Variants in CEP152 observed in about 807,000 individuals in gnomAD.
The protein encoded by CEP152 is centrosomal protein 152.
Under a neutral mutation model 188.9 loss-of-function variants are expected in CEP152, and 132 were observed. The observed-to-expected ratio is 0.70, with a 90% CI of 0.61 to 0.81. The LOEUF is 0.81. Ranked by LOEUF, CEP152 falls within the 30% of genes least tolerant of loss-of-function variation. The pLI, the probability that CEP152 is intolerant of heterozygous loss-of-function variation, is 0.00. For missense variants in CEP152, 1,914 were observed against 1,969.8 expected (o/e 0.97, Z 0.54); for synonymous variants, 649 against 666.6 (o/e 0.97, Z 0.41).
chr15:48,789,574 GAATT>G (rs1160397471), intron 8 of CEP152, among the ~76,000 whole-genome samples: 5 of 152,192 alleles, frequency 3.3e-5, no homozygotes, highest in Non-Finnish European at 5.9e-5. Flanking sequence ...ATTGTATGTG[GAATT>G]AATATGGCTA....
chr15:48,784,547 T>C (rs1896497361), intron 9 of CEP152, among the ~76,000 whole-genome samples: 1 of 152,232 alleles, frequency 6.6e-6, no homozygotes, highest in South Asian at 2.1e-4. Flanking sequence ...AGGATATAGA[T>C]AAACACATGA....
chr15:48,779,757 T>G (rs1896130829), intron 12 of CEP152, among the ~76,000 whole-genome samples: 1 of 152,230 alleles, frequency 6.6e-6, no homozygotes, highest in Admixed American at 6.5e-5. Context: ...AATCTGGCAT[T>G]AGCAGGAAAT....
chr15:48,762,518 A>G lies in CEP152; in HGVS notation c.2435T>C (p.Met812Thr). 6.2e-7 allele frequency: 1 copy of G among 1,613,978 alleles called. No individual in the cohort carries two copies. The highest frequency in any genetic ancestry group is 1.1e-5 in the South Asian group (1 of 91,080). Residue 812 changes from methionine (M) to threonine (T), a missense_variant, in exon 18 of 27, where the codon ATG becomes ACG. Physicochemically the swap from Met to Thr is moderately conservative, Grantham distance 81. Coordinates refer to ENST00000380950, the MANE Select transcript of CEP152 (RefSeq NM_001194998.2). ...GATTGTGCACTTCTGCTCTTCTATC[A>G]TAATTGCCATCTCTTTCTTGGAAAT... ...DVISKKEMAI[M>T]IEEQKCTIQQ...
At chr15:48,744,465 G>A in intron 23 of CEP152, 122 bp from the exon 24 acceptor site, 1 of 1,500,600 alleles carries the variant, frequency 6.7e-7, no homozygotes. Flanking sequence ...ATCTCATCTA[G>A]AACAATCTCC....
intron 1 of CEP152, chr15:48,810,507 G>A (rs1898261919): frequency 3.3e-5 from 5 of 152,278 alleles, no homozygotes; most frequent in South Asian, 2.1e-4. Context: ...TCCACAGGCT[G>A]AGCGAATGAC....
intron 19 of CEP152, among the ~76,000 whole-genome samples, chr15:48,758,795 C>A (rs1325565265): frequency 6.6e-6 from 1 of 150,838 alleles, no homozygotes; most frequent in Non-Finnish European, 1.5e-5. Context: ...GGAGGAAAGC[C>A]CAGATAGCTA....
At chr15:48,749,484 A>T (rs927588592) in intron 21 of CEP152, among the ~76,000 whole-genome samples, 1 of 151,994 alleles carries the variant, frequency 6.6e-6, no homozygotes, top group Non-Finnish European at 1.5e-5. Flanking sequence ...AAAAAAAAAC[A>T]GTAATTATAT....
At chr15:48,751,830 T>C (rs943062239) in intron 21 of CEP152, among the ~76,000 whole-genome samples, 2 of 152,216 alleles carry the variant, frequency 1.3e-5, no homozygotes, top group African/African-American at 4.8e-5. Context: ...AGAATTCTTT[T>C]GTCATGATGA....
chr15:48,778,806 G>A (rs751711450), intron 12 of CEP152, among the ~76,000 whole-genome samples: 21 of 151,976 alleles, frequency 1.4e-4, no homozygotes, highest in Non-Finnish European at 2.5e-4. Flanking sequence ...AAAATTAGCT[G>A]GGCATGGTGG....
At chr15:48,753,523 C>T (rs1894038686) in intron 20 of CEP152, among the ~76,000 whole-genome samples, 1 of 152,150 alleles carries the variant, frequency 6.6e-6, no homozygotes, top group East Asian at 1.9e-4. Context: ...CAATGTCCAA[C>T]AGAAGCAGAG....
At chr15:48,768,879 C>G (rs1226836472) in intron 14 of CEP152, 77 bp downstream of exon 14, 1 of 1,166,350 alleles carries the variant, frequency 8.6e-7, no homozygotes, top group African/African-American at 1.6e-5. Context: ...TCTTTATTTG[C>G]AAAAACTCTA....
intron 22 of CEP152, among the ~76,000 whole-genome samples, chr15:48,746,686 G>A (rs1315608382): frequency 6.6e-6 from 1 of 152,118 alleles, no homozygotes; most frequent in Non-Finnish European, 1.5e-5. Flanking sequence ...GTGCTATGGT[G>A]CCAGGTGTGC....
intron 20 of CEP152, among the ~76,000 whole-genome samples, chr15:48,752,833 A>G (rs1893975354): frequency 6.6e-6 from 1 of 152,348 alleles, no homozygotes; most frequent in Admixed American, 6.5e-5. Flanking sequence ...AATCTAGAAC[A>G]TTTTTACTAC....
chr15:48,767,029 G>C (rs113266652), intron 17 of CEP152, 31 bp downstream of exon 17: 5 of 1,610,124 alleles, frequency 3.1e-6, no homozygotes, highest in Non-Finnish European at 4.2e-6. Context: ...AGAGTGAAAG[G>C]ATGTCGATAC....
intron 8 of CEP152, among the ~76,000 whole-genome samples, chr15:48,789,956 G>A (rs1297933311): frequency 4.6e-5 from 7 of 152,140 alleles, no homozygotes; most frequent in Non-Finnish European, 7.4e-5. Flanking sequence ...GCAGCAATAG[G>A]AAACTAATAC....
intron 11 of CEP152, among the ~76,000 whole-genome samples, chr15:48,781,581 T>C (rs1896245004): frequency 1.3e-5 from 2 of 152,164 alleles, no homozygotes; most frequent in Non-Finnish European, 2.9e-5. Context: ...GGATTTCCTC[T>C]CACATCTCTG....
rs1893250368 is a variant in CEP152, at chr15:48,744,320, TCAATG to T, written c.3750_3754del (p.Ile1251LysfsTer20). On this transcript the variant is annotated frameshift_variant, in exon 24 of 27. Coordinates refer to ENST00000380950, the MANE Select transcript of CEP152 (RefSeq NM_001194998.2). LOFTEE classifies it high-confidence loss of function. ...CCCACTGCATGGCAGGCAAGCATTT[TCAATG>T]GCCCCTGCTGACAATGACCTAAAAA... 6.2e-7 allele frequency: 1 copy of T among 1,613,988 alleles called. No individual in the cohort carries two copies. The highest frequency in any genetic ancestry group is 1.1e-5 in the South Asian group (1 of 91,086).
rs765058275 is a variant in CEP152 at position 48,797,572 on chromosome 15, T to C, written c.269A>G (p.Asn90Ser). 6.2e-7 allele frequency: 1 copy of C among 1,614,088 alleles called. No homozygotes were observed. Among genetic ancestry groups the C allele is most frequent in the South Asian group, 1.1e-5 (1 of 91,076 alleles). ...TCCAGCATATAAACTCTGAATTTCATTATAGCCCTATTAGATAACAAGAGT... is the reference window on the plus strand; with the variant it reads ...TCCAGCATATAAACTCTGAATTTCACTATAGCCCTATTAGATAACAAGAGT... ...LPKSQSVNGYNEIQSLYAGEK... is the reference protein window; with the variant it reads ...LPKSQSVNGYSEIQSLYAGEK... Residue 90 changes from asparagine (N) to serine (S), a missense_variant, in exon 5 of 27, where the codon AAT (asparagine) becomes AGT (serine). By Grantham distance (46) the Asn-to-Ser change is conservative (BLOSUM62 1). Coordinates refer to ENST00000380950, the MANE Select transcript of CEP152 (RefSeq NM_001194998.2).
intron 17 of CEP152, among the ~76,000 whole-genome samples, chr15:48,766,631 T>G (rs371445041): frequency 1.7e-4 from 26 of 152,142 alleles, no homozygotes; most frequent in Admixed American, 3.9e-4. Context: ...CCCAGAAGAA[T>G]AAAATGACAA....
Sources: allele counts gnomAD v4.1 joint callset (sites outside exome capture counted in the v4.1 genomes callset), GRCh38; gene constraint gnomAD v4.1.1; transcripts MANE v1.5; gene names NCBI Gene and HGNC (gene_info 2026-07-23, HGNC 2026-07-21).